Variants in GRIN2A observed in about 807,000 individuals in gnomAD.
GRIN2A encodes the protein glutamate ionotropic receptor NMDA type subunit 2A.
GRIN2A carries 22 observed loss-of-function variants against 113.4 expected under a neutral mutation model. That is an observed-to-expected ratio of 0.19 (90% CI 0.14 to 0.28). GRIN2A has a LOEUF of 0.28. Ranked by LOEUF, GRIN2A falls within the 10% of genes least tolerant of loss-of-function variation. The pLI is 1.00. For synonymous variants in GRIN2A, 827 were observed against 738.4 expected, an observed-to-expected ratio of 1.12 and a Z score of -1.94; for missense variants, 1,502 against 1,887.0, an observed-to-expected ratio of 0.80 and a Z score of 3.78.
At chr16:9,778,815 G>C (rs1303625383) in intron 11 of GRIN2A, among the ~76,000 whole-genome samples, 3 of 152,232 alleles carry the variant, frequency 2.0e-5, no homozygotes, top group Non-Finnish European at 4.4e-5. Context: ...TCCAGTTTAT[G>C]TCTGCCTGAT....
chr16:10,093,954 CAA>C (rs2048235381), intron 2 of GRIN2A, among the ~76,000 whole-genome samples: 1 of 152,104 alleles, frequency 6.6e-6, no homozygotes, highest in Admixed American at 6.5e-5. Flanking sequence ...GAATGAAACC[CAA>C]AGAGAACTGA....
intron 2 of GRIN2A, among the ~76,000 whole-genome samples, chr16:10,176,297 G>C (rs7498300): frequency 2.0e-5 from 3 of 151,936 alleles, no homozygotes; most frequent in African/African-American, 7.3e-5. Flanking sequence ...GAACCACCTC[G>C]CTCAGCCTTA....
chr16:9,996,517 G>A (rs960884395), intron 2 of GRIN2A, among the ~76,000 whole-genome samples: 9 of 152,162 alleles, frequency 5.9e-5, no homozygotes, highest in Admixed American at 4.6e-4. Context: ...CCAGAGTGTC[G>A]AAATCCAACT....
chr16:10,144,650 AG>A (rs1393903467), intron 2 of GRIN2A, among the ~76,000 whole-genome samples: 3 of 152,232 alleles, frequency 2.0e-5, no homozygotes, highest in African/African-American at 7.2e-5. Context: ...TTTGCTTCGC[AG>A]AAGTTTCATT....
At chr16:10,060,085 G>A (rs978479712) in intron 2 of GRIN2A, among the ~76,000 whole-genome samples, 1 of 152,164 alleles carries the variant, frequency 6.6e-6, no homozygotes, top group Admixed American at 6.5e-5. Context: ...TGCCCATCAA[G>A]AGCTAGATGG....
chr16:9,905,586 G>A (rs1299884547), intron 3 of GRIN2A, among the ~76,000 whole-genome samples: 1 of 152,136 alleles, frequency 6.6e-6, no homozygotes, highest in Non-Finnish European at 1.5e-5. Flanking sequence ...CCTTCCTCTC[G>A]CAAAAACCTA....
intron 2 of GRIN2A, among the ~76,000 whole-genome samples, chr16:10,068,503 G>C (rs561613414): frequency 1.3e-5 from 2 of 152,280 alleles, no homozygotes; most frequent in East Asian, 3.9e-4. Flanking sequence ...TAAATGACCA[G>C]ATCTCAAAGT....
intron 2 of GRIN2A, among the ~76,000 whole-genome samples, chr16:10,024,315 C>T (rs1477694344): frequency 6.6e-6 from 1 of 152,218 alleles, no homozygotes; most frequent in Non-Finnish European, 1.5e-5. Flanking sequence ...CCTCCACCTC[C>T]TGGGTCAAGC....
chr16:10,121,693 T>A (rs1211937070), intron 2 of GRIN2A: 2 of 152,222 alleles, frequency 1.3e-5, no homozygotes, highest in African/African-American at 4.8e-5. Context: ...ATCATTATGC[T>A]GCTTCTTTCA....
intron 2 of GRIN2A, among the ~76,000 whole-genome samples, chr16:10,136,577 A>G (rs2049195992): frequency 6.6e-6 from 1 of 150,750 alleles, no homozygotes; most frequent in Non-Finnish European, 1.5e-5. Context: ...CATTAAAAAA[A>G]GAAATCATTG....
intron 2 of GRIN2A, among the ~76,000 whole-genome samples, chr16:10,096,100 GC>G (rs1293317987): frequency 6.6e-6 from 1 of 152,126 alleles, no homozygotes; most frequent in Non-Finnish European, 1.5e-5. Flanking sequence ...AAACATATGA[GC>G]CCAAGCCCCA....
chr16:9,941,949 T>C (rs2044889654), intron 2 of GRIN2A, among the ~76,000 whole-genome samples: 1 of 152,160 alleles, frequency 6.6e-6, no homozygotes, highest in Non-Finnish European at 1.5e-5. Flanking sequence ...TTGCCTGCCC[T>C]CAGGGTCTCG....
At chr16:9,894,393 G>C (rs1216245066) in intron 3 of GRIN2A, among the ~76,000 whole-genome samples, 1 of 152,196 alleles carries the variant, frequency 6.6e-6, no homozygotes, top group Non-Finnish European at 1.5e-5. Flanking sequence ...CTCTGCACTT[G>C]AGGGGACTTG....
chr16:9,944,270 C>T (rs1361103073), intron 2 of GRIN2A, among the ~76,000 whole-genome samples: 1 of 152,162 alleles, frequency 6.6e-6, no homozygotes, highest in Non-Finnish European at 1.5e-5. Context: ...AGCATTTCAA[C>T]ATATTTTATT....
At chr16:10,111,698 A>C (rs2048617683) in intron 2 of GRIN2A, 1 of 1,560,474 alleles carries the variant, frequency 6.4e-7, no homozygotes, top group Non-Finnish European at 8.8e-7. Context: ...GAGGTGCATA[A>C]GGTCAAGAAG....
intron 2 of GRIN2A, among the ~76,000 whole-genome samples, chr16:10,161,253 A>T (rs917943356): frequency 1.3e-5 from 2 of 152,134 alleles, no homozygotes; most frequent in African/African-American, 2.4e-5. Context: ...CTGCTGCCAT[A>T]TGAAGAAGTA....
chr16:10,175,259 A>G (rs1297762388), intron 2 of GRIN2A, among the ~76,000 whole-genome samples: 1 of 152,244 alleles, frequency 6.6e-6, no homozygotes, highest in Non-Finnish European at 1.5e-5. Context: ...ACGCATGACT[A>G]TACATATGCA....
At chr16:9,837,822 G>A (rs1316584171) in intron 7 of GRIN2A, among the ~76,000 whole-genome samples, 1 of 152,148 alleles carries the variant, frequency 6.6e-6, no homozygotes, top group African/African-American at 2.4e-5. Context: ...ATGTCAGACG[G>A]AGGGACAAAA....
rs143744968 is a variant in GRIN2A, at chr16:10,111,787, C to T, written c.414+68211G>A. On this transcript the variant is annotated intron_variant, in intron 2 of 12. Coordinates refer to ENST00000330684, the MANE Select transcript of GRIN2A (RefSeq NM_001134407.3). ...GGGTGATGTGCTGGAGGCCAAGATC[C>T]GGCATGGCTTCTCTTGCATCCTCAT... 897 of 1,447,798 alleles carry T rather than the reference C, an allele frequency of 6.2e-4. 5 individuals carry two copies. In the African/African-American group the frequency reaches 0.011, roughly 17 times the overall value. 89.7% of individuals were successfully genotyped at this position (1,447,798 alleles called of 1,614,324 possible).
Sources: gnomAD v4.1 joint callset for allele counts (sites outside exome capture counted in the v4.1 genomes callset) on GRCh38, gnomAD v4.1.1 for gene constraint, MANE v1.5 for transcripts, NCBI Gene and HGNC (gene_info 2026-07-23, HGNC 2026-07-21) for gene names.